PCDHGA2: variants seen among roughly 807,000 people sequenced by gnomAD.
PCDHGA2 encodes the protein protocadherin gamma subfamily A, 2, also known as protocadherin gamma-A2.
A neutral mutation model predicts 59.2 loss-of-function variants in PCDHGA2; 40 were observed. The ratio of observed to expected loss-of-function variants is 0.68; its 90% CI spans 0.52 to 0.88. The LOEUF (loss-of-function observed/expected upper bound fraction) is 0.88, where lower values mean the gene tolerates loss of function less well. PCDHGA2 is among the 40% of genes least tolerant of loss of function. PCDHGA2 has a pLI of 0.00. For missense variants in PCDHGA2, 1,226 were observed against 1,204.0 expected (o/e 1.02, Z -0.27); for synonymous variants, 560 against 526.0 (o/e 1.06, Z -0.89).
intron 2 of PCDHGA2, among the ~76,000 whole-genome samples, chr5:141,496,189 G>T (rs1362938002): frequency 1.3e-5 from 2 of 152,004 alleles, no homozygotes; most frequent in African/African-American, 4.8e-5. Context: ...AGCCCCAGCT[G>T]CTCATTTCAA....
chr5:141,384,622 A>G (rs1360248889), intron 1 of PCDHGA2: 1 of 1,614,218 alleles, frequency 6.2e-7, no homozygotes, highest in East Asian at 2.2e-5. Context: ...TTCTACTGGC[A>G]TGGAGCTGGC....
At chr5:141,393,377 AGC>A (rs1313389663) in intron 1 of PCDHGA2, 1 of 1,613,966 alleles carries the variant, frequency 6.2e-7, no homozygotes, top group Admixed American at 1.7e-5. Context: ...GAGACAATGG[AGC>A]CATAAACCCA....
intron 1 of PCDHGA2, chr5:141,478,367 C>T (rs2099451272): frequency 1.2e-6 from 2 of 1,613,750 alleles, no homozygotes; most frequent in South Asian, 2.2e-5. Context: ...GCGGGGAGGC[C>T]TGATGTCGCC....
Position 141,491,436 on chromosome 5 carries a change from G to A in PCDHGA2, c.2425-3371G>A, listed in dbSNP as rs771884610. ...ACGGGGGTGGAGGGCAGTGCTGCAG[G>A]CGCCAGGACTCACCCTCCCCGGACT... On this transcript the variant is annotated intron_variant, in intron 1 of 3. Coordinates refer to ENST00000394576, the MANE Select transcript of PCDHGA2 (RefSeq NM_018915.4). This position sits in a 1 kb window ranked among gnomAD's most constrained non-coding sequence, Gnocchi z 6.9. 1 of 1,614,070 alleles carries A rather than the reference G, an allele frequency of 6.2e-7. No individual in the cohort carries two copies. The highest frequency in any genetic ancestry group is 8.5e-7 in the Non-Finnish European group (1 of 1,180,034).
chr5:141,356,178 T>G, intron 1 of PCDHGA2: 1 of 1,612,292 alleles, frequency 6.2e-7, no homozygotes, highest in Non-Finnish European at 8.5e-7. Flanking sequence ...ATGGGCCTGG[T>G]CTCCGAGCTA....
intron 1 of PCDHGA2, chr5:141,365,075 G>A (rs754573655): frequency 6.2e-7 from 1 of 1,613,842 alleles, no homozygotes. Context: ...CGAGTACAGC[G>A]TGAGTGTTCC....
At position 141,423,431 on chromosome 5, in the gene PCDHGA2, G is replaced by A. The variant is rs1220133197; in HGVS notation, c.2425-71376G>A. On this transcript the variant is annotated intron_variant, in intron 1 of 3. Coordinates refer to ENST00000394576, the MANE Select transcript of PCDHGA2 (RefSeq NM_018915.4). ...CAGGCTTCTGAAGGCGGGTTGGCAGGTATGCCCACGTCACATTTTGTAGGC... is the reference window on the plus strand; with the variant it reads ...CAGGCTTCTGAAGGCGGGTTGGCAGATATGCCCACGTCACATTTTGTAGGC... 3 of 1,613,892 alleles carry A rather than the reference G, an allele frequency of 1.9e-6. No homozygotes were observed. Among genetic ancestry groups the A allele is most frequent in the Admixed American group, 3.3e-5 (2 of 60,012 alleles).
intron 1 of PCDHGA2, chr5:141,388,815 A>G: frequency 1.2e-6 from 2 of 1,613,992 alleles, no homozygotes; most frequent in Non-Finnish European, 1.7e-6. Flanking sequence ...TGAAGAAGTC[A>G]AAGAATATTC....
chr5:141,374,069 C>T (rs747646831), intron 1 of PCDHGA2: 8 of 1,502,764 alleles, frequency 5.3e-6, no homozygotes, highest in Non-Finnish European at 7.1e-6. Context: ...CAGAGAAGTT[C>T]CTAATAAGCC....
chr5:141,435,890 A>G (rs2097784923), intron 1 of PCDHGA2, among the ~76,000 whole-genome samples: 1 of 152,176 alleles, frequency 6.6e-6, no homozygotes, highest in Non-Finnish European at 1.5e-5. Context: ...AACCCCTTAG[A>G]GAATGAAAGA....
intron 1 of PCDHGA2, chr5:141,403,395 C>T (rs758295115): frequency 3.7e-6 from 6 of 1,614,084 alleles, no homozygotes; most frequent in Admixed American, 3.3e-5. Context: ...ATCGCGGTTC[C>T]TGGAGCACGT....
intron 1 of PCDHGA2, chr5:141,394,458 A>C (rs776488659): frequency 6.2e-7 from 1 of 1,614,100 alleles, no homozygotes; most frequent in Non-Finnish European, 8.5e-7. Context: ...CATGTCACTG[A>C]GCCTGTTCGT....
rs1459105534 is a variant in PCDHGA2, at chr5:141,366,603, C to G, written c.2424+25208C>G. 2 of 1,614,226 alleles carry G rather than the reference C, an allele frequency of 1.2e-6. No individual in the cohort carries two copies. Among genetic ancestry groups the G allele is most frequent in the Non-Finnish European group, 1.7e-6 (2 of 1,180,034 alleles). ...CTGCAGACCTATTCCCACGAGGTCT[C>G]CCTCACCGCGGACTCGAGGAAGAGT... On this transcript the variant is annotated intron_variant, in intron 1 of 3. Transcript: ENST00000394576.
At chr5:141,395,197 T>A in intron 1 of PCDHGA2, 1 of 1,614,012 alleles carries the variant, frequency 6.2e-7, no homozygotes, top group Non-Finnish European at 8.5e-7. Context: ...TTAACATCCG[T>A]AGATTTTCAT....
intron 1 of PCDHGA2, chr5:141,383,195 G>T: frequency 1.2e-6 from 2 of 1,614,044 alleles, no homozygotes; most frequent in Non-Finnish European, 1.7e-6. Flanking sequence ...TGCGCTCAGA[G>T]TGCGCGGTGT....
Position 141,491,057 on chromosome 5 carries a change from CCTA to C in PCDHGA2, c.2425-3747_2425-3745del. On this transcript the variant is annotated intron_variant, in intron 1 of 3. Coordinates refer to ENST00000394576, the MANE Select transcript of PCDHGA2 (RefSeq NM_018915.4). The surrounding 1 kb of genome is among the most constrained non-coding windows in gnomAD (Gnocchi z 6.9). ...GATGCAGGCCACAATGCGTGGCTCTCCTACTCACTGTTGCCACAGTCCACAGCC... is the reference window on the plus strand; with the variant it reads ...GATGCAGGCCACAATGCGTGGCTCTCCTCACTGTTGCCACAGTCCACAGCC... 6.2e-7 allele frequency: 1 copy of C among 1,614,208 alleles called. No homozygotes were observed. The highest frequency in any genetic ancestry group is 8.5e-7 in the Non-Finnish European group (1 of 1,180,022).
chr5:141,384,158 T>A (rs1449699621), intron 1 of PCDHGA2: 1 of 1,613,550 alleles, frequency 6.2e-7, no homozygotes, highest in Non-Finnish European at 8.5e-7. Flanking sequence ...TTGTATAACA[T>A]CACACTGAAA....
chr5:141,355,593 C>A (rs770322971), intron 1 of PCDHGA2: 8 of 1,613,990 alleles, frequency 5.0e-6, no homozygotes, highest in Non-Finnish European at 6.8e-6. Context: ...ATAACCCACC[C>A]AGTTTTGGGA....
chr5:141,383,510 A>G (rs1390731022), intron 1 of PCDHGA2: 1 of 1,612,804 alleles, frequency 6.2e-7, no homozygotes, highest in Admixed American at 1.7e-5. Context: ...GACCGGGAGG[A>G]AGAGCGGGTT....
Sources: allele counts gnomAD v4.1 joint callset (sites outside exome capture counted in the v4.1 genomes callset), GRCh38; gene constraint gnomAD v4.1.1; non-coding constraint Gnocchi (gnomAD v3.1); transcripts MANE v1.5; gene names NCBI Gene and HGNC (gene_info 2026-07-23, HGNC 2026-07-21).